SEC63: variants seen among roughly 807,000 people sequenced by gnomAD.
SEC63 encodes SEC63 protein translocation regulator, also known as translocation protein SEC63 homolog.
A neutral mutation model predicts 116.2 loss-of-function variants in SEC63; 56 were observed. The observed-to-expected ratio is 0.48, with a 90% confidence interval of 0.39 to 0.60. The LOEUF is 0.60. Ranked by LOEUF, SEC63 falls within the 20% of genes least tolerant of loss-of-function variation. SEC63 has a pLI of 0.00. For missense variants in SEC63, 668 were observed against 900.0 expected (o/e 0.74, Z 3.30); for synonymous variants, 273 against 294.6 (o/e 0.93, Z 0.75).
chr6:107,932,917 A>AT (rs1408343070), intron 1 of SEC63, among the ~76,000 whole-genome samples: 1 of 152,144 alleles, frequency 6.6e-6, no homozygotes, highest in Non-Finnish European at 1.5e-5. Context: ...GGTAGGCTGA[A>AT]TAACTGTCCC....
At chr6:107,934,289 C>T (rs6568517) in intron 1 of SEC63, among the ~76,000 whole-genome samples, 113,533 of 146,790 alleles carry the variant, frequency 0.77, 44,851 homozygotes, top group South Asian at 0.89. Context: ...CGTCTCTGCC[C>T]GGCCGCCATC....
intron 10 of SEC63, among the ~76,000 whole-genome samples, chr6:107,905,388 C>T (rs963363954): frequency 2.0e-4 from 31 of 152,180 alleles, no homozygotes; most frequent in African/African-American, 7.5e-4. Context: ...CTAAGCGTCA[C>T]ATGGCCTTGT....
intron 1 of SEC63, among the ~76,000 whole-genome samples, chr6:107,946,675 A>G (rs1286074184): frequency 6.6e-6 from 1 of 152,226 alleles, no homozygotes; most frequent in Non-Finnish European, 1.5e-5. Context: ...AAGAAGGAAT[A>G]ACTTTTTAAA....
intron 16 of SEC63, among the ~76,000 whole-genome samples, chr6:107,885,308 A>G (rs574109442): frequency 6.6e-5 from 10 of 152,368 alleles, no homozygotes; most frequent in Middle Eastern, 3.4e-3. Context: ...ATTATTGCCA[A>G]TAAGACTCTT....
At position 107,872,866 on chromosome 6, in the gene SEC63, T is replaced by C. The variant is rs1728803212; in HGVS notation, c.2081A>G (p.Tyr694Cys). 5 of 1,553,250 alleles carry C rather than the reference T, an allele frequency of 3.2e-6. No homozygotes were observed. The highest frequency in any genetic ancestry group is 3.5e-6 in the Non-Finnish European group (4 of 1,146,868). ...PAPGKPGNYQ[Y>C]TVFLRSDSYM... ...GGAGTCTGATCTCAGAAACACAGTA[T>C]ACTGATAATTTCCAGGCTTGCCTGG... The change falls in exon 20 of 21, where the codon TAT (tyrosine) becomes TGT (cysteine). Residue 694 changes from tyrosine (Y) to cysteine (C), a missense_variant. By Grantham distance (194) the Tyr-to-Cys change is radical. Coordinates refer to ENST00000369002, the MANE Select transcript of SEC63 (RefSeq NM_007214.5).
At chr6:107,889,830 C>T (rs148453525) in intron 16 of SEC63, among the ~76,000 whole-genome samples, 6,865 of 152,200 alleles carry the variant, frequency 0.045, 477 homozygotes, top group African/African-American at 0.16. Context: ...GCCTTCATTT[C>T]GTTATTTACC....
In SEC63 at chr6:107,868,280, T is replaced by C. The variant is rs901894118; in HGVS notation, c.*3424A>G. 11 of 151,948 alleles carry C rather than the reference T, an allele frequency of 7.2e-5. No individual in the cohort carries two copies. Among genetic ancestry groups the C allele is most frequent in the African/African-American group, 1.5e-4 (6 of 41,352 alleles). The allele number at this position is 151,948 out of a possible 1,614,324, so 9.4% of individuals were successfully genotyped here. A position where few individuals can be genotyped will look rare whatever the true frequency, so the allele number is the denominator to read the frequency against. On this transcript the variant is annotated 3_prime_UTR_variant, in exon 21 of 21. Transcript: ENST00000369002. ...GATGATTTGTTGTTTTTGTTTTTTTTCCAAAAAAACCCAACAGGCTGGGCG... is the reference window on the plus strand; with the variant it reads ...GATGATTTGTTGTTTTTGTTTTTTTCCCAAAAAAACCCAACAGGCTGGGCG...
At chr6:107,890,578 A>G (rs1459730054) in intron 16 of SEC63, among the ~76,000 whole-genome samples, 1 of 152,190 alleles carries the variant, frequency 6.6e-6, no homozygotes, top group Non-Finnish European at 1.5e-5. Context: ...ATTTAAGGTT[A>G]ATACTGTTAT....
intron 14 of SEC63, among the ~76,000 whole-genome samples, chr6:107,897,372 A>T (rs1026204165): frequency 5.9e-5 from 9 of 152,222 alleles, no homozygotes; most frequent in Non-Finnish European, 1.3e-4. Context: ...CAACTTCTGT[A>T]TAGCACTTCA....
chr6:107,918,200 C>T (rs1395801918), intron 4 of SEC63, among the ~76,000 whole-genome samples: 1 of 150,942 alleles, frequency 6.6e-6, no homozygotes, highest in East Asian at 1.9e-4. Flanking sequence ...CATGTGTTGA[C>T]AGCATGGATT....
intron 1 of SEC63, among the ~76,000 whole-genome samples, chr6:107,950,447 T>C (rs1418468042): frequency 6.6e-6 from 1 of 152,126 alleles, no homozygotes; most frequent in Non-Finnish European, 1.5e-5. Flanking sequence ...CAACGCTCAC[T>C]ACCCTACAGC....
chr6:107,941,198 G>A (rs892187740), intron 1 of SEC63, among the ~76,000 whole-genome samples: 1 of 152,146 alleles, frequency 6.6e-6, no homozygotes, highest in African/African-American at 2.4e-5. Flanking sequence ...CGCAATGCTA[G>A]CCAGAGATTG....
intron 2 of SEC63, among the ~76,000 whole-genome samples, chr6:107,928,118 T>G (rs990834426): frequency 6.6e-6 from 1 of 151,956 alleles, no homozygotes; most frequent in African/African-American, 2.4e-5. Flanking sequence ...AAGACTAACT[T>G]TGCCTTTAGT....
chr6:107,905,220 C>T (rs1388630081), intron 10 of SEC63, among the ~76,000 whole-genome samples: 1 of 152,180 alleles, frequency 6.6e-6, no homozygotes, highest in Non-Finnish European at 1.5e-5. Context: ...TTGTTTCCTG[C>T]TTCTTACAGG....
At chr6:107,938,051 T>C (rs1279516782) in intron 1 of SEC63, among the ~76,000 whole-genome samples, 1 of 152,180 alleles carries the variant, frequency 6.6e-6, no homozygotes, top group Non-Finnish European at 1.5e-5. Context: ...CATTTGTCAA[T>C]TCTTGCTTTT....
intron 16 of SEC63, among the ~76,000 whole-genome samples, chr6:107,892,530 C>T (rs1025734325): frequency 3.3e-5 from 5 of 151,886 alleles, no homozygotes; most frequent in African/African-American, 9.7e-5. Context: ...CATTAGCCAT[C>T]GATGAAAGAT....
intron 17 of SEC63, among the ~76,000 whole-genome samples, chr6:107,882,207 T>A (rs1367553188): frequency 3.9e-5 from 6 of 152,220 alleles, no homozygotes; most frequent in African/African-American, 1.4e-4. Flanking sequence ...TTCCTCTTTT[T>A]TTGGCCTCTC....
chr6:107,934,591 C>T (rs1406109844), intron 1 of SEC63, among the ~76,000 whole-genome samples: 9 of 145,664 alleles, frequency 6.2e-5, no homozygotes, highest in Admixed American at 6.8e-5. Flanking sequence ...GGAGCGTCTC[C>T]GCCCGGCAGC....
intron 13 of SEC63, among the ~76,000 whole-genome samples, chr6:107,898,439 T>A (rs1484341416): frequency 6.6e-6 from 1 of 152,162 alleles, no homozygotes; most frequent in African/African-American, 2.4e-5. Flanking sequence ...CCTATTAAAC[T>A]GTGCAAACCT....
Sources: allele counts gnomAD v4.1 joint callset (sites outside exome capture counted in the v4.1 genomes callset), GRCh38; gene constraint gnomAD v4.1.1; transcripts MANE v1.5; gene names NCBI Gene and HGNC (gene_info 2026-07-23, HGNC 2026-07-21).